Variants in EYS observed in about 807,000 individuals in gnomAD.
The protein encoded by EYS is protein eyes shut homolog.
In EYS, 250 loss-of-function variants were observed where a neutral mutation model predicts 282.1. The ratio of observed to expected loss-of-function variants is 0.89; its 90% CI spans 0.80 to 0.98. The LOEUF (loss-of-function observed/expected upper bound fraction) is 0.98. EYS is among the 50% of genes least tolerant of loss of function. The pLI, the probability that EYS is intolerant of heterozygous loss-of-function variation, is 0.00. For synonymous variants in EYS, 1,355 were observed against 1,282.9 expected (o/e 1.06, Z -1.20); for missense variants, 4,016 against 3,709.0 (o/e 1.08, Z -2.15).
chr6:65,094,916 G>A (rs1046627912), intron 12 of EYS, among the ~76,000 whole-genome samples: 3 of 151,206 alleles, frequency 2.0e-5, no homozygotes, highest in African/African-American at 4.8e-5. Flanking sequence ...ACAAAGTAAA[G>A]AGTTGGTTTT....
chr6:64,853,137 C>T (rs1765939933), intron 19 of EYS, among the ~76,000 whole-genome samples: 1 of 151,922 alleles, frequency 6.6e-6, no homozygotes, highest in Admixed American at 6.6e-5. Context: ...CCTAAAGATC[C>T]TTTCATATAA....
chr6:64,032,460 G>A (rs1272200104), intron 33 of EYS, among the ~76,000 whole-genome samples: 1 of 152,148 alleles, frequency 6.6e-6, no homozygotes, highest in Non-Finnish European at 1.5e-5. Flanking sequence ...CCAAATGTGT[G>A]GGTTTTCTAT....
At chr6:64,672,705 T>C (rs983966683) in intron 22 of EYS, among the ~76,000 whole-genome samples, 23 of 152,192 alleles carry the variant, frequency 1.5e-4, no homozygotes, top group Non-Finnish European at 2.8e-4. Flanking sequence ...TGCCTTGGTC[T>C]TTTGAGTACA....
chr6:64,370,178 A>T (rs1772316659), intron 29 of EYS, among the ~76,000 whole-genome samples: 1 of 152,056 alleles, frequency 6.6e-6, no homozygotes, highest in Non-Finnish European at 1.5e-5. Context: ...GATGGCTCTT[A>T]TTATTTTGAA....
chr6:65,369,289 T>TA (rs1765036980), intron 8 of EYS, among the ~76,000 whole-genome samples: 1 of 106,392 alleles, frequency 9.4e-6, no homozygotes, highest in Non-Finnish European at 2.2e-5. Context: ...ATATATATTA[T>TA]ATATATATTT....
chr6:65,351,344 T>C (rs754855275), intron 9 of EYS, among the ~76,000 whole-genome samples: 5 of 151,922 alleles, frequency 3.3e-5, no homozygotes, highest in Middle Eastern at 3.4e-3. Context: ...CAGGAAGGAA[T>C]AATGATTAAA....
chr6:64,378,398 A>G lies in EYS; in HGVS notation c.6078+10292T>C, dbSNP rs1370218693. Among the ~76,000 whole-genome samples the G allele has an allele frequency of 5.9e-5, 9 of 152,096 alleles. No individual in the cohort carries two copies. In the East Asian group the frequency reaches 1.3e-3, roughly 23 times the overall value. ...TATTTAAAAAATTATTAATATTAGC[A>G]TATGAACTAGGATCAAATGCTTCAT... On this transcript the variant is annotated intron_variant, in intron 29 of 42. Transcript: ENST00000503581.
At chr6:64,151,015 CTAAG>C (rs1277122683) in intron 31 of EYS, among the ~76,000 whole-genome samples, 20 of 151,890 alleles carry the variant, frequency 1.3e-4, no homozygotes, top group African/African-American at 4.1e-4. Flanking sequence ...TATCTCATAA[CTAAG>C]TAATTACATT....
chr6:65,592,791 A>G (rs902915067), intron 2 of EYS, among the ~76,000 whole-genome samples: 1 of 152,002 alleles, frequency 6.6e-6, no homozygotes, highest in East Asian at 1.9e-4. Flanking sequence ...ACTAAGAAGA[A>G]TGGTTGGTTT....
intron 1 of EYS, among the ~76,000 whole-genome samples, chr6:65,699,132 A>G (rs1249266617): frequency 3.3e-5 from 5 of 152,150 alleles, no homozygotes; most frequent in Non-Finnish European, 7.4e-5. Flanking sequence ...CCAAGTGAAA[A>G]TAATTTTAAT....
intron 31 of EYS, among the ~76,000 whole-genome samples, chr6:64,189,763 C>G (rs1417203155): frequency 1.3e-5 from 2 of 152,102 alleles, no homozygotes; most frequent in Non-Finnish European, 2.9e-5. Flanking sequence ...CTGACTTACC[C>G]TATGGATTTT....
chr6:64,846,013 A>C (rs1435745011), intron 19 of EYS, among the ~76,000 whole-genome samples: 1 of 151,732 alleles, frequency 6.6e-6, no homozygotes, highest in Non-Finnish European at 1.5e-5. Flanking sequence ...CTTCAACTTA[A>C]CATATGTTTC....
intron 22 of EYS, among the ~76,000 whole-genome samples, chr6:64,768,623 C>T (rs373858342): frequency 1.2e-4 from 18 of 152,236 alleles, no homozygotes; most frequent in African/African-American, 3.9e-4. Context: ...TTCAGGGTAG[C>T]TCTCTGATAA....
chr6:64,569,668 G>A (rs1765663474), intron 26 of EYS, among the ~76,000 whole-genome samples: 1 of 152,054 alleles, frequency 6.6e-6, no homozygotes, highest in Admixed American at 6.5e-5. Flanking sequence ...GTGAACCCGG[G>A]AGGCGGAGCT....
chr6:65,343,104 T>C (rs113088889), intron 10 of EYS, among the ~76,000 whole-genome samples: 3,162 of 151,306 alleles, frequency 0.021, 112 homozygotes, highest in African/African-American at 0.071. Context: ...TGTAAACATA[T>C]ATCAAAATAT....
chr6:64,632,210 A>C (rs1343792420), intron 22 of EYS, among the ~76,000 whole-genome samples: 4 of 152,136 alleles, frequency 2.6e-5, no homozygotes, highest in African/African-American at 9.6e-5. Flanking sequence ...AAATGACTTC[A>C]TACAATTTCA....
chr6:64,512,277 C>T (rs1035161763), intron 26 of EYS, among the ~76,000 whole-genome samples: 1 of 151,948 alleles, frequency 6.6e-6, no homozygotes, highest in Non-Finnish European at 1.5e-5. Context: ...GTAGGAGAAG[C>T]GTCACTGCAA....
chr6:64,257,969 G>C (rs1767459221), intron 30 of EYS, among the ~76,000 whole-genome samples: 1 of 151,936 alleles, frequency 6.6e-6, no homozygotes, highest in Non-Finnish European at 1.5e-5. Context: ...TTCAGTGCAA[G>C]TTTTCACACT....
intron 19 of EYS, among the ~76,000 whole-genome samples, chr6:64,882,584 C>T (rs1383470391): frequency 6.6e-6 from 1 of 151,462 alleles, no homozygotes; most frequent in African/African-American, 2.4e-5. Flanking sequence ...AATCAAATAC[C>T]AAATATTTTC....
Sources: gnomAD v4.1 joint callset for allele counts (sites outside exome capture counted in the v4.1 genomes callset) on GRCh38, gnomAD v4.1.1 for gene constraint, MANE v1.5 for transcripts, NCBI Gene and HGNC (gene_info 2026-07-23, HGNC 2026-07-21) for gene names.